The following NEGR1 variants were observed in gnomAD, a reference collection of about 807,000 sequenced individuals.
The protein encoded by NEGR1 is IgLON family member 4.
NEGR1 carries 10 observed loss-of-function variants against 40.9 expected under a neutral mutation model. That is an observed-to-expected ratio of 0.24 (90% CI 0.15 to 0.42). The LOEUF (loss-of-function observed/expected upper bound fraction) is 0.42. Ranked by LOEUF, NEGR1 falls within the 10% of genes least tolerant of loss-of-function variation. The pLI, the probability that NEGR1 is intolerant of heterozygous loss-of-function variation, is 1.00. For synonymous variants in NEGR1, 185 were observed against 166.8 expected (o/e 1.11, Z -0.84); for missense variants, 352 against 438.9 (o/e 0.80, Z 1.77).
intron 2 of NEGR1, among the ~76,000 whole-genome samples, chr1:71,797,910 T>A (rs1296628246): frequency 6.6e-6 from 1 of 151,938 alleles, no homozygotes; most frequent in African/African-American, 2.4e-5. Flanking sequence ...TTTATATTGT[T>A]TAACCTGCAT....
chr1:71,870,024 C>T lies in NEGR1; in HGVS notation c.409+65055G>A, dbSNP rs527446487. Among the ~76,000 whole-genome samples the T allele has an allele frequency of 1.2e-4, 18 of 151,786 alleles. 1 individual carries two copies. The highest frequency in any genetic ancestry group is 2.2e-4 in the Non-Finnish European group (15 of 67,956). ...CCTCCCAAGTAGCTGGGATTACAGG[C>T]GCGGGCCACCACAGCTGGCTAATTT... On this transcript the variant is annotated intron_variant, in intron 2 of 6. Coordinates refer to ENST00000357731, the MANE Select transcript of NEGR1 (RefSeq NM_173808.3).
intron 6 of NEGR1, among the ~76,000 whole-genome samples, chr1:71,462,393 T>G (rs1646719823): frequency 6.6e-6 from 1 of 152,136 alleles, no homozygotes; most frequent in Non-Finnish European, 1.5e-5. Flanking sequence ...GCAATGGAGA[T>G]GCAAAGAGGA....
At chr1:71,705,836 G>A (rs544976022) in intron 3 of NEGR1, among the ~76,000 whole-genome samples, 16 of 151,696 alleles carry the variant, frequency 1.1e-4, no homozygotes, top group Admixed American at 6.6e-4. Flanking sequence ...AAGAAAGAAA[G>A]AGAGAGAGAA....
intron 6 of NEGR1, among the ~76,000 whole-genome samples, chr1:71,571,666 G>A (rs1232800867): frequency 6.6e-6 from 1 of 151,656 alleles, no homozygotes; most frequent in African/African-American, 2.4e-5. Flanking sequence ...GGTGGCATGC[G>A]CCTGTAGTCC....
chr1:71,502,864 A>G (rs1175385325), intron 6 of NEGR1, among the ~76,000 whole-genome samples: 10 of 152,220 alleles, frequency 6.6e-5, no homozygotes, highest in African/African-American at 2.2e-4. Context: ...GTCCCAATCC[A>G]TGGTTCAGTT....
intron 2 of NEGR1, among the ~76,000 whole-genome samples, chr1:71,832,291 C>A (rs531451331): frequency 9.2e-5 from 14 of 152,082 alleles, no homozygotes; most frequent in African/African-American, 3.1e-4. Context: ...ACCAGACGAT[C>A]AAAGTGAGAC....
At chr1:72,207,071 G>C (rs1330498654) in intron 1 of NEGR1, among the ~76,000 whole-genome samples, 3 of 139,918 alleles carry the variant, frequency 2.1e-5, no homozygotes, top group African/African-American at 5.3e-5. Context: ...ACATGTTTAG[G>C]ATGAAAAAAA....
At chr1:72,071,404 G>C (rs1415391799) in intron 1 of NEGR1, among the ~76,000 whole-genome samples, 1 of 152,022 alleles carries the variant, frequency 6.6e-6, no homozygotes, top group Non-Finnish European at 1.5e-5. Context: ...GGCAATATTA[G>C]TAGAATAACA....
At chr1:72,161,393 T>C (rs750327889) in intron 1 of NEGR1, among the ~76,000 whole-genome samples, 118 of 152,002 alleles carry the variant, frequency 7.8e-4, no homozygotes, top group Non-Finnish European at 1.5e-3. Flanking sequence ...CCATGGTGTA[T>C]TTCAACCATG....
intron 2 of NEGR1, among the ~76,000 whole-genome samples, chr1:71,824,033 T>C (rs1023861448): frequency 6.6e-6 from 1 of 152,018 alleles, no homozygotes; most frequent in African/African-American, 2.4e-5. Context: ...GTCTATTCAT[T>C]ACATTTACCA....
intron 1 of NEGR1, among the ~76,000 whole-genome samples, chr1:72,084,153 C>T (rs988421): frequency 0.44 from 66,119 of 151,782 alleles, 14,891 homozygotes; most frequent in Admixed American, 0.5. Context: ...AGCACATAGC[C>T]TTTACAGCAA....
intron 1 of NEGR1, among the ~76,000 whole-genome samples, chr1:72,198,793 T>C (rs909287830): frequency 1.3e-5 from 2 of 152,026 alleles, no homozygotes; most frequent in African/African-American, 4.8e-5. Flanking sequence ...AAGAATGTGA[T>C]ATGAATTAAA....
intron 1 of NEGR1, among the ~76,000 whole-genome samples, chr1:71,977,773 C>CAAA (rs35651349): frequency 9.2e-5 from 8 of 86,498 alleles, no homozygotes; most frequent in Admixed American, 2.5e-4. Context: ...AAGTAGAAGT[C>CAAA]AAAAAAAAAA....
chr1:72,273,351 G>C (rs1655920908), intron 1 of NEGR1, among the ~76,000 whole-genome samples: 1 of 151,864 alleles, frequency 6.6e-6, no homozygotes, highest in South Asian at 2.1e-4. Flanking sequence ...CATAAGTCGA[G>C]GTAGAAACAG....
chr1:72,101,005 C>G (rs1477369369), intron 1 of NEGR1: 1 of 152,204 alleles, frequency 6.6e-6, no homozygotes, highest in Non-Finnish European at 1.5e-5. Context: ...AGACCAGAGC[C>G]TCGCACATGA....
At chr1:72,027,485 G>GA (rs1235306953) in intron 1 of NEGR1, among the ~76,000 whole-genome samples, 1 of 151,568 alleles carries the variant, frequency 6.6e-6, no homozygotes, top group Non-Finnish European at 1.5e-5. Context: ...ACAAAAAACA[G>GA]AAAACCTGCA....
chr1:71,888,707 A>C (rs1319309234), intron 2 of NEGR1, among the ~76,000 whole-genome samples: 1 of 94,914 alleles, frequency 1.1e-5, no homozygotes, highest in Non-Finnish European at 2.1e-5. Flanking sequence ...AACTGGGTGG[A>C]GCCCACCACA....
intron 2 of NEGR1, among the ~76,000 whole-genome samples, chr1:71,825,473 G>A (rs187981002): frequency 1.3e-5 from 2 of 151,942 alleles, no homozygotes; most frequent in African/African-American, 4.8e-5. Flanking sequence ...GGAACCACTG[G>A]ATTATGCTCC....
At chr1:71,856,916 A>G (rs514435) in intron 2 of NEGR1, among the ~76,000 whole-genome samples, 76,606 of 151,808 alleles carry the variant, frequency 0.5, 20,411 homozygotes, top group African/African-American at 0.69. Flanking sequence ...CATGTATCGT[A>G]TTTATGTTAT....
Sources: allele counts gnomAD v4.1 joint callset (sites outside exome capture counted in the v4.1 genomes callset), GRCh38; gene constraint gnomAD v4.1.1; transcripts MANE v1.5; gene names NCBI Gene and HGNC (gene_info 2026-07-23, HGNC 2026-07-21).